FHDC1: variants seen among roughly 807,000 people sequenced by gnomAD.
The protein encoded by FHDC1 is FH2 domain containing 1, also known as FH2 domain-containing protein 1.
A neutral mutation model predicts 52.6 loss-of-function variants in FHDC1; 25 were observed. The ratio of observed to expected loss-of-function variants is 0.48; its 90% CI spans 0.35 to 0.66. FHDC1 has a LOEUF of 0.66. FHDC1 is among the 30% of genes least tolerant of loss of function. The pLI is 0.01. For missense variants in FHDC1, 1,459 were observed against 1,452.8 expected (o/e 1.00, Z -0.07); for synonymous variants, 616 against 581.5 (o/e 1.06, Z -0.85).
In FHDC1 at chr4:152,979,123, C is replaced by T. The variant is rs987626253; in HGVS notation, c.*2400C>T. 6.6e-6 allele frequency: 1 copy of T among 152,194 alleles called. No individual in the cohort carries two copies. Among genetic ancestry groups the T allele is most frequent in the Non-Finnish European group, 1.5e-5 (1 of 68,036 alleles). 9.4% of individuals were successfully genotyped at this position (152,194 alleles called of 1,614,324 possible). On this transcript the variant is annotated 3_prime_UTR_variant, in exon 12 of 12. Coordinates refer to ENST00000511601, the MANE Select transcript of FHDC1 (RefSeq NM_001371116.1). Reference sequence around the variant, plus strand: ...GAGGGATCGGGACCTCTTGGAGGAACCCTGGGTACCAAGCTCCCAGGCCCT... The same window carrying T: ...GAGGGATCGGGACCTCTTGGAGGAATCCTGGGTACCAAGCTCCCAGGCCCT...
chr4:152,963,297 T>C (rs1195359812), intron 8 of FHDC1, among the ~76,000 whole-genome samples, 167 bp downstream of exon 8: 7 of 152,180 alleles, frequency 4.6e-5, no homozygotes, highest in Non-Finnish European at 1.5e-5. Flanking sequence ...TGAGTTGTAC[T>C]GCACCCAGGG....
intron 10 of FHDC1, among the ~76,000 whole-genome samples, chr4:152,968,760 C>A (rs1157839863): frequency 1.3e-5 from 2 of 152,188 alleles, no homozygotes; most frequent in African/African-American, 4.8e-5. Flanking sequence ...CTATACCTGG[C>A]AACTCAAGTT....
At chr4:152,911,906 C>T in the FHDC1 span, 1 of 152,462 alleles carries the variant, frequency 6.6e-6, no homozygotes, top group Non-Finnish European at 1.5e-5. Flanking sequence ...GTGTTTGCTG[C>T]AGTAAATCGT....
chr4:152,936,001 T>C (rs150951767), upstream of FHDC1, among the ~76,000 whole-genome samples: 1 of 151,658 alleles, frequency 6.6e-6, no homozygotes, highest in Non-Finnish European at 1.5e-5. Context: ...CTGGCTCTTC[T>C]GGGCAGCCCA....
intron 2 of FHDC1, among the ~76,000 whole-genome samples, chr4:152,944,395 G>A (rs1054928783): frequency 4.0e-5 from 6 of 151,536 alleles, no homozygotes; most frequent in Non-Finnish European, 4.4e-5. Flanking sequence ...CACACACAAA[G>A]CACAACAACA....
intron 8 of FHDC1, among the ~76,000 whole-genome samples, chr4:152,963,797 T>TTTTTTTTTTTTTTTTTTA: frequency 7.9e-6 from 1 of 126,784 alleles, no homozygotes; most frequent in Non-Finnish European, 1.6e-5. Context: ...TTTTTTTTTT[T>TTTTTTTTTTTTTTTTTTA]TTTTTTGACT....
Position 152,964,816 on chromosome 4 carries a change from A to G in FHDC1, c.1030-89A>G. 4 of 1,016,784 alleles carry G rather than the reference A, an allele frequency of 3.9e-6. No individual in the cohort carries two copies. The South Asian group carries it at 4.5e-5, about 11-fold the overall frequency. 63.0% of individuals were successfully genotyped at this position (1,016,784 alleles called of 1,614,324 possible). A position where few individuals can be genotyped will look rare whatever the true frequency, so the allele number is the denominator to read the frequency against. On this transcript the variant is annotated intron_variant, in intron 8 of 11. Transcript: ENST00000511601. ...ATGTGTCAAGTTTAAAAACAGGAGC[A>G]GTGATTTTAAGATTCCTTTAAGCCC...
At chr4:152,941,898 TACTC>T (rs1484323138) in intron 1 of FHDC1, among the ~76,000 whole-genome samples, 5 of 152,114 alleles carry the variant, frequency 3.3e-5, no homozygotes, top group Admixed American at 1.3e-4. Context: ...CTAGTTGGGG[TACTC>T]ACTCAATAGC....
Position 152,976,626 on chromosome 4 carries a change from C to T in FHDC1, c.3335C>T (p.Pro1112Leu). 6.2e-7 allele frequency: 1 copy of T among 1,607,070 alleles called. No individual in the cohort carries two copies. The highest frequency in any genetic ancestry group is 8.5e-7 in the Non-Finnish European group (1 of 1,176,630). ...GGTCCCAGTGCCAACACGGAGGCCC[C>T]TCTGAAGGCCAGAGGGGCTGGGGAA... ...AEGPSANTEA[P>L]LKARGAGERA... The change falls in exon 12 of 12, where the codon CCT becomes CTT. Residue 1112 changes from proline to leucine, a missense_variant. By Grantham distance (98) the Pro-to-Leu change is moderately conservative. Coordinates refer to ENST00000511601, the MANE Select transcript of FHDC1 (RefSeq NM_001371116.1).
In FHDC1 at chr4:152,965,918, C is replaced by T. The variant is rs144616471; in HGVS notation, c.1100+943C>T. Among the ~76,000 whole-genome samples, 1,035 of 152,288 alleles carry T rather than the reference C, an allele frequency of 6.8e-3. 47 individuals carry two copies. Among genetic ancestry groups the T allele is most frequent in the Admixed American group, 0.064 (975 of 15,298 alleles). ...CTCACAGCCCTGCCACTGGCCTGTA[C>T]CTCAAAAGTTACTGATTCTATGAAT... On this transcript the variant is annotated intron_variant, in intron 9 of 11. Transcript: ENST00000511601.
chr4:152,945,281 G>C (rs995769665), intron 2 of FHDC1, among the ~76,000 whole-genome samples: 1 of 152,102 alleles, frequency 6.6e-6, no homozygotes, highest in African/African-American at 2.4e-5. Flanking sequence ...AACCAGATCT[G>C]AAATTCAGGG....
chr4:152,955,971 T>A (rs185882819), intron 4 of FHDC1, among the ~76,000 whole-genome samples: 1 of 152,316 alleles, frequency 6.6e-6, no homozygotes, highest in East Asian at 1.9e-4. Flanking sequence ...GGTTTTCTCT[T>A]TGCACATTAA....
chr4:152,948,512 G>A (rs1007129830), intron 2 of FHDC1, among the ~76,000 whole-genome samples: 1 of 152,200 alleles, frequency 6.6e-6, no homozygotes, highest in East Asian at 1.9e-4. Flanking sequence ...GGAGTGCAGT[G>A]GCATGATCTC....
chr4:152,976,722 G>A lies in FHDC1; in HGVS notation c.3431G>A (p.Ter1144=), dbSNP rs1190375153. 6.8e-7 allele frequency: 1 copy of A among 1,474,370 alleles called. No individual in the cohort carries two copies. The highest frequency in any genetic ancestry group is 1.4e-5 in the South Asian group (1 of 71,502). 91.3% of individuals were successfully genotyped at this position (1,474,370 alleles called of 1,614,324 possible). A position where few individuals can be genotyped will look rare whatever the true frequency, so the allele number is the denominator to read the frequency against. The change falls in exon 12 of 12, where the codon TGA becomes TAA. Residue 1144 remains the stop codon, a stop_retained_variant. Transcript: ENST00000511601. ...LGRILNPLRK[*] ...AGAATCCTCAATCCCTTACGGAAGTGATGGGTGCCTGTCCTCTCCTGCCTC... is the reference window on the plus strand; with the variant it reads ...AGAATCCTCAATCCCTTACGGAAGTAATGGGTGCCTGTCCTCTCCTGCCTC...
intron 2 of FHDC1, among the ~76,000 whole-genome samples, chr4:152,948,000 G>C (rs763469631): frequency 1.8e-4 from 27 of 152,198 alleles, no homozygotes; most frequent in Non-Finnish European, 3.4e-4. Flanking sequence ...TGTAGAACTA[G>C]ATAGAGCATT....
chr4:152,975,459 G>A lies in FHDC1; in HGVS notation c.2168G>A (p.Ser723Asn). ...GPQSLSASSS[S>N]LTPMGRDALG... ...CAGTCCCTCAGTGCCAGCAGCAGCAGCCTGACACCCATGGGCAGAGATGCC... is the reference window on the plus strand; with the variant it reads ...CAGTCCCTCAGTGCCAGCAGCAGCAACCTGACACCCATGGGCAGAGATGCC... Residue 723 changes from serine to asparagine, a missense_variant, in exon 12 of 12, where the codon AGC (serine) becomes AAC (asparagine). This residue lies in a region of FHDC1 where 939 missense variants were observed against 854.5 expected (regional missense o/e 1.10). Coordinates refer to ENST00000511601, the MANE Select transcript of FHDC1 (RefSeq NM_001371116.1). 2 of 1,613,374 alleles carry A rather than the reference G, an allele frequency of 1.2e-6. No homozygotes were observed. The highest frequency in any genetic ancestry group is 2.2e-5 in the South Asian group (2 of 91,086).
intron 10 of FHDC1, 24 bp from the exon 11 acceptor site, chr4:152,972,353 G>C: frequency 6.3e-7 from 1 of 1,587,944 alleles, no homozygotes; most frequent in East Asian, 2.3e-5. Flanking sequence ...TTACCTCAGT[G>C]TGTGTTCGTT....
rs2149948404 is a variant in FHDC1, at chr4:152,956,715, G to A, written c.663+2396G>A. ...ACCCTGAAGTGCCTTCCCAGCCACTGAACCAGGCAGCAGCTGTTTCTCCCC... is the reference window on the plus strand; with the variant it reads ...ACCCTGAAGTGCCTTCCCAGCCACTAAACCAGGCAGCAGCTGTTTCTCCCC... On this transcript the variant is annotated intron_variant, in intron 4 of 11. Coordinates refer to ENST00000511601, the MANE Select transcript of FHDC1 (RefSeq NM_001371116.1). 2.0e-5 allele frequency among the ~76,000 whole-genome samples: 3 copies of A among 152,288 alleles called. No homozygotes were observed. In the South Asian group the frequency reaches 6.2e-4, roughly 32 times the overall value.
chr4:152,923,458 C>T, the FHDC1 span, among the ~76,000 whole-genome samples: 1 of 152,234 alleles, frequency 6.6e-6, no homozygotes, highest in Middle Eastern at 3.4e-3. Context: ...GATTCAGTGC[C>T]ATCCCCATCA....
Sources: allele counts gnomAD v4.1 joint callset (sites outside exome capture counted in the v4.1 genomes callset), GRCh38; gene constraint gnomAD v4.1.1; regional missense constraint gnomAD v4.1.1; transcripts MANE v1.5; gene names NCBI Gene and HGNC (gene_info 2026-07-23, HGNC 2026-07-21).